Variants in YWHAE observed in about 807,000 individuals in gnomAD.
YWHAE encodes the protein 14-3-3 protein epsilon.
YWHAE carries 4 observed loss-of-function variants against 30.1 expected under a neutral mutation model. The ratio of observed to expected loss-of-function variants is 0.13; its 90% confidence interval spans 0.07 to 0.30. YWHAE has a LOEUF of 0.30. YWHAE is among the 10% of genes least tolerant of loss of function. The probability of loss-of-function intolerance (pLI) is 1.00; values close to 1 mark genes in which losing one functional copy is unlikely to be tolerated. For missense variants in YWHAE, 121 were observed against 315.9 expected (o/e 0.38, Z 4.68); for synonymous variants, 118 against 111.8 (o/e 1.06, Z -0.35).
At chr17:1,383,884 G>C (rs576945294) in intron 1 of YWHAE, among the ~76,000 whole-genome samples, 191 of 152,014 alleles carry the variant, frequency 1.3e-3, no homozygotes, top group Non-Finnish European at 2.2e-3. Flanking sequence ...AATATGGCAA[G>C]ACCCCATCTC....
chr17:1,345,311 A>G lies in YWHAE; in HGVS notation c.*136T>C, dbSNP rs971013107. On this transcript the variant is annotated 3_prime_UTR_variant, in exon 6 of 6. Transcript: ENST00000264335. ...GTTTAAAAAAAAAAAAAAAAAACCAACAGGGCAGGAACCTAAATTCTGAGA... is the reference window on the plus strand; with the variant it reads ...GTTTAAAAAAAAAAAAAAAAAACCAGCAGGGCAGGAACCTAAATTCTGAGA... 3 of 802,740 alleles carry G rather than the reference A, an allele frequency of 3.7e-6. No individual in the cohort carries two copies. In the East Asian group the frequency reaches 7.8e-5, roughly 21 times the overall value. The allele number at this position is 802,740 out of a possible 1,614,324, so 49.7% of individuals were successfully genotyped here. A position where few individuals can be genotyped will look rare whatever the true frequency, so the allele number is the denominator to read the frequency against.
chr17:1,363,272 T>C (rs957889920), intron 2 of YWHAE, among the ~76,000 whole-genome samples: 1 of 152,182 alleles, frequency 6.6e-6, no homozygotes, highest in East Asian at 1.9e-4. Context: ...TTACTTTTTC[T>C]TTCTTTGATT....
chr17:1,396,640 T>G (rs913462510), intron 1 of YWHAE, among the ~76,000 whole-genome samples: 1 of 152,122 alleles, frequency 6.6e-6, no homozygotes, highest in African/African-American at 2.4e-5. Context: ...CCCCTCTATA[T>G]TCCCCGTTTT....
intron 1 of YWHAE, among the ~76,000 whole-genome samples, chr17:1,382,501 C>A (rs530035710): frequency 2.4e-4 from 37 of 151,604 alleles, no homozygotes; most frequent in Non-Finnish European, 4.9e-4. Flanking sequence ...GGACTACAGG[C>A]GCCCACCACC....
At chr17:1,366,943 A>G (rs1279701195) in intron 1 of YWHAE, among the ~76,000 whole-genome samples, 1 of 152,106 alleles carries the variant, frequency 6.6e-6, no homozygotes. Context: ...CTCCGTTTCA[A>G]AAAAAAACAC....
chr17:1,394,460 A>AAAACC (rs1555647412), intron 1 of YWHAE, among the ~76,000 whole-genome samples: 2 of 137,542 alleles, frequency 1.5e-5, no homozygotes, highest in African/African-American at 5.7e-5. Flanking sequence ...AAAAAAAAAA[A>AAAACC]ACACAAAAAT....
At chr17:1,364,015 T>C (rs1456496673) in intron 2 of YWHAE, among the ~76,000 whole-genome samples, 1 of 152,184 alleles carries the variant, frequency 6.6e-6, no homozygotes, top group East Asian at 1.9e-4. Context: ...TTCTAGACAT[T>C]GTTAAACGTT....
chr17:1,370,393 A>G (rs2073019125), intron 1 of YWHAE, among the ~76,000 whole-genome samples: 1 of 151,602 alleles, frequency 6.6e-6, no homozygotes, highest in Non-Finnish European at 1.5e-5. Flanking sequence ...GGCCTCCCAA[A>G]GTGCTGGGAT....
rs1567958117 is a variant in YWHAE at position 1,355,142 on chromosome 17, AAAAAAATT to A, written c.579-803_579-796del. On this transcript the variant is annotated intron_variant, in intron 4 of 5. Coordinates refer to ENST00000264335, the MANE Select transcript of YWHAE (RefSeq NM_006761.5). The stretch of plus-strand genomic sequence containing the variant: ...AAAAAAAAAAAAAAAAAAAAAAAAA[AAAAAAATT>A]TTTTTTTTTTTTTTTTTTTTTTGGG... Among the ~76,000 whole-genome samples, 4 of 110,900 alleles carry A rather than the reference AAAAAAATT, an allele frequency of 3.6e-5. No homozygotes were observed. In the East Asian group the frequency reaches 1.1e-3, roughly 30 times the overall value. The allele number at this position is 110,900 out of a possible 152,430, so 72.8% of individuals were successfully genotyped here. A position where few individuals can be genotyped will look rare whatever the true frequency, so the allele number is the denominator to read the frequency against.
chr17:1,358,475 G>A (rs908101148), intron 4 of YWHAE, among the ~76,000 whole-genome samples: 3 of 151,826 alleles, frequency 2.0e-5, no homozygotes, highest in Middle Eastern at 3.4e-3. Flanking sequence ...TCCTGACCTC[G>A]TGATCTGCCC....
chr17:1,372,777 A>ACCC (rs2073061268), intron 1 of YWHAE, among the ~76,000 whole-genome samples: 1 of 151,944 alleles, frequency 6.6e-6, no homozygotes, highest in Non-Finnish European at 1.5e-5. Context: ...AACAGGTGAG[A>ACCC]CCCTATCTCT....
At chr17:1,386,131 G>T (rs914571490) in intron 1 of YWHAE, among the ~76,000 whole-genome samples, 2 of 152,148 alleles carry the variant, frequency 1.3e-5, no homozygotes, top group African/African-American at 4.8e-5. Flanking sequence ...GATAACAAGT[G>T]AAAGAAATAG....
intron 1 of YWHAE, among the ~76,000 whole-genome samples, chr17:1,369,554 C>T (rs2072998143): frequency 6.6e-6 from 1 of 152,136 alleles, no homozygotes; most frequent in Admixed American, 6.6e-5. Context: ...ATTCTGCAAT[C>T]ATCATAATTT....
intron 1 of YWHAE, among the ~76,000 whole-genome samples, chr17:1,381,384 C>CT (rs1351054848): frequency 1.3e-5 from 2 of 151,960 alleles, no homozygotes; most frequent in African/African-American, 4.8e-5. Flanking sequence ...GGCGTGGTGG[C>CT]TGTAATCCCA....
At chr17:1,393,720 G>A (rs762570171) in intron 1 of YWHAE, among the ~76,000 whole-genome samples, 6 of 152,276 alleles carry the variant, frequency 3.9e-5, no homozygotes, top group Admixed American at 1.3e-4. Flanking sequence ...TGTTTGAGCC[G>A]CGGAACCCGG....
chr17:1,358,411 TTG>T (rs1412380459), intron 4 of YWHAE, among the ~76,000 whole-genome samples: 1 of 152,060 alleles, frequency 6.6e-6, no homozygotes, highest in African/African-American at 2.4e-5. Flanking sequence ...GGCTGATTTT[TTG>T]TATTTTTAGT....
intron 1 of YWHAE, among the ~76,000 whole-genome samples, chr17:1,392,924 C>T (rs542150985): frequency 6.6e-6 from 1 of 151,716 alleles, no homozygotes; most frequent in South Asian, 2.1e-4. Context: ...CAAAGGTGGC[C>T]GGGGGTGGTG....
intron 2 of YWHAE, among the ~76,000 whole-genome samples, chr17:1,364,193 T>C (rs1036476259): frequency 6.7e-6 from 1 of 149,640 alleles, no homozygotes; most frequent in African/African-American, 2.5e-5. Context: ...AAAAGAGGAA[T>C]CAGACAAATT....
Position 1,345,188 on chromosome 17 carries a change from G to C in YWHAE, c.*259C>G, listed in dbSNP as rs1383398567. On this transcript the variant is annotated 3_prime_UTR_variant, in exon 6 of 6. Transcript: ENST00000264335. ...GAGACGACACAGTAATGCTGAAAAA[G>C]CCTCTATGTAGTCCTGTTAGTGTCT... 2.0e-6 allele frequency: 1 copy of C among 495,244 alleles called. No individual in the cohort carries two copies. Among genetic ancestry groups the C allele is most frequent in the Non-Finnish European group, 3.6e-6 (1 of 280,338 alleles). 30.7% of individuals were successfully genotyped at this position (495,244 alleles called of 1,614,324 possible). A position where few individuals can be genotyped will look rare whatever the true frequency, so the allele number is the denominator to read the frequency against.
Sources: allele counts gnomAD v4.1 joint callset (sites outside exome capture counted in the v4.1 genomes callset), GRCh38; gene constraint gnomAD v4.1.1; transcripts MANE v1.5; gene names NCBI Gene and HGNC (gene_info 2026-07-23, HGNC 2026-07-21).